Variants in SAMD5 observed in about 807,000 individuals in gnomAD.
SAMD5 encodes the protein sterile alpha motif domain containing 5, also known as sterile alpha motif domain-containing protein 5.
A neutral mutation model predicts 11.3 loss-of-function variants in SAMD5; 13 were observed. The observed-to-expected ratio is 1.15, with a 90% CI of 0.75 to 1.83. SAMD5 has a LOEUF of 1.83. Ranked by LOEUF, SAMD5 falls within the 40% of genes most tolerant of loss-of-function variation. The pLI, the probability that SAMD5 is intolerant of heterozygous loss-of-function variation, is 0.00. For missense variants in SAMD5, 255 were observed against 239.1 expected (o/e 1.07, Z -0.44); for synonymous variants, 129 against 111.3 (o/e 1.16, Z -1.00).
the SAMD5 span, among the ~76,000 whole-genome samples, chr6:147,777,276 G>T: frequency 2.6e-5 from 4 of 152,046 alleles, no homozygotes; most frequent in Admixed American, 2.6e-4. Context: ...AATGGAAACT[G>T]AATGAGTCTT....
intron 1 of SAMD5, among the ~76,000 whole-genome samples, chr6:147,644,278 TTGCCTTCA>T (rs1391009956): frequency 6.6e-6 from 1 of 152,194 alleles, no homozygotes; most frequent in Non-Finnish European, 1.5e-5. Flanking sequence ...GAGGAAGGAC[TTGCCTTCA>T]TGTATTGCTT....
chr6:147,945,050 C>T, the SAMD5 span, among the ~76,000 whole-genome samples: 11 of 152,234 alleles, frequency 7.2e-5, no homozygotes, highest in East Asian at 7.7e-4. Context: ...CACTGGAAGC[C>T]TTTAGAGATT....
At chr6:147,868,709 A>T in the SAMD5 span, among the ~76,000 whole-genome samples, 27 of 152,330 alleles carry the variant, frequency 1.8e-4, no homozygotes, top group African/African-American at 6.0e-4. Context: ...AGAAATTTTC[A>T]TGGTTTTAAA....
At chr6:147,939,247 T>C in the SAMD5 span, among the ~76,000 whole-genome samples, 1 of 152,150 alleles carries the variant, frequency 6.6e-6, no homozygotes, top group African/African-American at 2.4e-5. Context: ...GCCCTGAAGG[T>C]CTCTGAACCC....
At chr6:147,511,308 C>T (rs1333712) in intron 1 of SAMD5, among the ~76,000 whole-genome samples, 24,833 of 152,132 alleles carry the variant, frequency 0.16, 2,418 homozygotes, top group Middle Eastern at 0.26. Context: ...GGGGATGAAA[C>T]GTCATCAGAA....
intron 1 of SAMD5, among the ~76,000 whole-genome samples, chr6:147,556,366 A>C (rs1050184279): frequency 8.5e-5 from 13 of 152,246 alleles, no homozygotes; most frequent in African/African-American, 3.1e-4. Context: ...TGCTGGGATT[A>C]CAGGCGTGAG....
chr6:147,918,519 T>G, the SAMD5 span, among the ~76,000 whole-genome samples: 1 of 152,026 alleles, frequency 6.6e-6, no homozygotes, highest in South Asian at 2.1e-4. Flanking sequence ...GAGAAAGAAA[T>G]AAAGTGTATT....
chr6:147,902,540 A>G, the SAMD5 span, among the ~76,000 whole-genome samples: 1 of 152,164 alleles, frequency 6.6e-6, no homozygotes, highest in Non-Finnish European at 1.5e-5. Context: ...TGAACCTGTC[A>G]CCAAAACAAA....
At chr6:147,793,243 C>A in the SAMD5 span, among the ~76,000 whole-genome samples, 1 of 152,112 alleles carries the variant, frequency 6.6e-6, no homozygotes, top group Non-Finnish European at 1.5e-5. Context: ...CCCCCAAATC[C>A]ATAATCTCAG....
At chr6:147,896,312 C>T in the SAMD5 span, among the ~76,000 whole-genome samples, 6 of 150,960 alleles carry the variant, frequency 4.0e-5, no homozygotes, top group East Asian at 4.0e-4. Context: ...ACTGCAGAGA[C>T]GTTCAGAATA....
chr6:147,797,702 C>T, the SAMD5 span, among the ~76,000 whole-genome samples: 1 of 140,152 alleles, frequency 7.1e-6, no homozygotes, highest in South Asian at 2.4e-4. Flanking sequence ...TGGTCCTGGA[C>T]TCTTTTTGGT....
At position 147,508,824 on chromosome 6, in the gene SAMD5, A is replaced by T; in HGVS notation, c.-105A>T. The T allele has an allele frequency of 2.0e-6, 3 of 1,467,600 alleles. No homozygotes were observed. The highest frequency in any genetic ancestry group is 2.7e-6 in the Non-Finnish European group (3 of 1,113,014). 90.9% of individuals were successfully genotyped at this position (1,467,600 alleles called of 1,614,324 possible). On this transcript the variant is annotated 5_prime_UTR_variant, in exon 1 of 2. Transcript: ENST00000367474. Reference sequence around the variant, plus strand: ...TTTAAAAGGAAAACTTTACTGCGATACCCTTTTCCCCTTGGAGGAGAGGAT... The same window carrying T: ...TTTAAAAGGAAAACTTTACTGCGATTCCCTTTTCCCCTTGGAGGAGAGGAT...
the SAMD5 span, among the ~76,000 whole-genome samples, chr6:147,931,872 G>A: frequency 1.1e-3 from 160 of 152,228 alleles, no homozygotes; most frequent in Non-Finnish European, 2.2e-3. Flanking sequence ...ATGCTGTAGT[G>A]ATATATTGCA....
intron 1 of SAMD5, among the ~76,000 whole-genome samples, chr6:147,542,176 C>T (rs751130143): frequency 1.3e-5 from 2 of 152,180 alleles, no homozygotes; most frequent in Non-Finnish European, 2.9e-5. Context: ...CATATTGGGT[C>T]GGCAGCACCC....
the SAMD5 span, among the ~76,000 whole-genome samples, chr6:147,887,724 A>T: frequency 3.9e-5 from 6 of 152,294 alleles, no homozygotes; most frequent in South Asian, 2.1e-4. Flanking sequence ...TATGGTACCT[A>T]TGTTTAAATT....
chr6:147,726,770 T>C (rs1188446518), intron 1 of SAMD5, among the ~76,000 whole-genome samples: 1 of 152,168 alleles, frequency 6.6e-6, no homozygotes, highest in Non-Finnish European at 1.5e-5. Context: ...TGACATAAAG[T>C]CATCATAAGG....
chr6:147,624,517 G>A (rs1455373955), intron 1 of SAMD5, among the ~76,000 whole-genome samples: 1 of 152,220 alleles, frequency 6.6e-6, no homozygotes, highest in African/African-American at 2.4e-5. Context: ...ACTTCACTTA[G>A]AATAATAGTC....
chr6:147,835,914 C>T, the SAMD5 span, among the ~76,000 whole-genome samples: 1 of 152,186 alleles, frequency 6.6e-6, no homozygotes, highest in Non-Finnish European at 1.5e-5. Context: ...CTGCCTTCTG[C>T]CCCTCATTCC....
chr6:147,666,216 C>T (rs934761447), intron 1 of SAMD5, among the ~76,000 whole-genome samples: 3 of 152,340 alleles, frequency 2.0e-5, no homozygotes, highest in South Asian at 4.1e-4. Context: ...GGATTATAGG[C>T]GTGAGCCACC....
Sources: gnomAD v4.1 joint callset for allele counts (sites outside exome capture counted in the v4.1 genomes callset) on GRCh38, gnomAD v4.1.1 for gene constraint, MANE v1.5 for transcripts, NCBI Gene and HGNC (gene_info 2026-07-23, HGNC 2026-07-21) for gene names.